The following TENM3 variants were observed in gnomAD, a reference collection of about 807,000 sequenced individuals.
TENM3 encodes the protein teneurin transmembrane protein 3.
A neutral mutation model predicts 255.1 loss-of-function variants in TENM3; 63 were observed. That is an observed-to-expected ratio of 0.25 (90% confidence interval 0.20 to 0.30). TENM3 has a LOEUF of 0.30. TENM3 is among the 10% of genes least tolerant of loss of function. TENM3 has a pLI of 1.00. For synonymous variants in TENM3, 1,306 were observed against 1,322.3 expected (o/e 0.99, Z 0.27); for missense variants, 2,929 against 3,461.1 (o/e 0.85, Z 3.86).
chr4:181,720,952 G>A, the TENM3 span, among the ~76,000 whole-genome samples: 2 of 152,204 alleles, frequency 1.3e-5, no homozygotes, highest in East Asian at 3.9e-4. Context: ...AGGTGGCCAG[G>A]CTCTGAGAGA....
At chr4:181,766,420 G>GAA in the TENM3 span, among the ~76,000 whole-genome samples, 2 of 151,894 alleles carry the variant, frequency 1.3e-5, no homozygotes, top group African/African-American at 2.4e-5. Context: ...AAGCAGCAGT[G>GAA]AAAAAAATTA....
chr4:182,541,919 G>A (rs1047046824), intron 3 of TENM3, among the ~76,000 whole-genome samples: 7 of 151,670 alleles, frequency 4.6e-5, no homozygotes, highest in Non-Finnish European at 8.8e-5. Context: ...AAAAATTAGC[G>A]AGGCGTAGTG....
chr4:182,749,276 T>G (rs1474261001), intron 19 of TENM3, among the ~76,000 whole-genome samples: 1 of 152,194 alleles, frequency 6.6e-6, no homozygotes, highest in Non-Finnish European at 1.5e-5. Flanking sequence ...TAGTTTAGGA[T>G]ATTATAAACT....
chr4:182,793,708 C>G lies in TENM3; in HGVS notation c.7036C>G (p.Leu2346Val). Reference sequence around the variant, plus strand: ...ATTTCATGGTGGCCTGTATGACCCACTCACCAAATTAATCCACTTTGGAGA... The same window carrying G: ...ATTTCATGGTGGCCTGTATGACCCAGTCACCAAATTAATCCACTTTGGAGA... ...IGFHGGLYDP[L>V]TKLIHFGERD... The change falls in exon 26 of 28, where the codon CTC becomes GTC. Residue 2346 changes from leucine (L) to valine (V), a missense_variant. Leu to Val is a conservative substitution (Grantham distance 32). Around this residue, in one of 6 missense-constraint regions of TENM3, gnomAD observed 256 missense variants for 389.3 expected, o/e 0.66. Transcript: ENST00000511685. This position sits in a 1 kb window ranked among gnomAD's most constrained non-coding sequence, Gnocchi z 5.7. The G allele has an allele frequency of 6.2e-7, 1 of 1,613,996 alleles. No homozygotes were observed. The highest frequency in any genetic ancestry group is 8.5e-7 in the Non-Finnish European group (1 of 1,179,858).
intron 2 of TENM3, among the ~76,000 whole-genome samples, chr4:182,329,813 C>T (rs1399464114): frequency 2.6e-5 from 4 of 151,926 alleles, no homozygotes; most frequent in Admixed American, 6.6e-5. Context: ...GTTTTGAAGA[C>T]CAGGTAGAAG....
At chr4:182,334,434 CAAATTTATCTTA>C (rs1349429354) in intron 2 of TENM3, among the ~76,000 whole-genome samples, 1 of 152,020 alleles carries the variant, frequency 6.6e-6, no homozygotes, top group Non-Finnish European at 1.5e-5. Context: ...GAGTGATCTT[CAAATTTATCTTA>C]AAATTCAAGT....
chr4:181,465,280 G>GA, the TENM3 span, among the ~76,000 whole-genome samples: 314 of 142,702 alleles, frequency 2.2e-3, no homozygotes, highest in African/African-American at 4.5e-3. Flanking sequence ...AAAGACAACT[G>GA]AAAAAAAAAA....
chr4:181,939,649 C>T, the TENM3 span, among the ~76,000 whole-genome samples: 1 of 152,210 alleles, frequency 6.6e-6, no homozygotes, highest in Non-Finnish European at 1.5e-5. Context: ...CCAATCATCT[C>T]AGCTGAACTA....
intron 6 of TENM3, 76 bp from the exon 7 acceptor site, chr4:182,672,928 CA>C (rs1561086625): frequency 1.8e-6 from 2 of 1,111,730 alleles, no homozygotes; most frequent in Non-Finnish European, 2.5e-6. Context: ...ATAACTTTTT[CA>C]AAAAGTTTAA....
At chr4:181,648,888 A>G in the TENM3 span, among the ~76,000 whole-genome samples, 1 of 152,244 alleles carries the variant, frequency 6.6e-6, no homozygotes, top group Non-Finnish European at 1.5e-5. Context: ...GAACATGGAC[A>G]AGCTGAGAGG....
At chr4:182,136,356 ATTG>A in the TENM3 span, among the ~76,000 whole-genome samples, 2 of 151,724 alleles carry the variant, frequency 1.3e-5, no homozygotes, top group Non-Finnish European at 1.5e-5. Context: ...GAAGCATGCT[ATTG>A]TTGTTCTTTT....
chr4:181,883,624 G>A, the TENM3 span, among the ~76,000 whole-genome samples: 24 of 152,060 alleles, frequency 1.6e-4, no homozygotes, highest in South Asian at 6.2e-4. Flanking sequence ...ACAGGCGCCC[G>A]CCACCACGCC....
intron 3 of TENM3, among the ~76,000 whole-genome samples, chr4:182,466,581 C>G (rs893688090): frequency 6.6e-6 from 1 of 152,122 alleles, no homozygotes; most frequent in Non-Finnish European, 1.5e-5. Flanking sequence ...ATCCTCCTGC[C>G]TTGGCCTCCC....
chr4:181,542,965 A>G, the TENM3 span, among the ~76,000 whole-genome samples: 1 of 152,114 alleles, frequency 6.6e-6, no homozygotes, highest in Non-Finnish European at 1.5e-5. Context: ...TTCAGACCAT[A>G]TATCTTGCTT....
At chr4:182,484,933 G>C (rs915708531) in intron 3 of TENM3, among the ~76,000 whole-genome samples, 1 of 152,020 alleles carries the variant, frequency 6.6e-6, no homozygotes, top group African/African-American at 2.4e-5. Context: ...CAGATACTCC[G>C]TGTTTTAAGC....
At chr4:182,023,327 A>AC in the TENM3 span, among the ~76,000 whole-genome samples, 1 of 152,228 alleles carries the variant, frequency 6.6e-6, no homozygotes, top group Non-Finnish European at 1.5e-5. Flanking sequence ...ATATATTTTT[A>AC]CATCTTTTAT....
intron 3 of TENM3, among the ~76,000 whole-genome samples, chr4:182,358,821 T>C (rs1336064762): frequency 1.3e-5 from 2 of 148,882 alleles, no homozygotes; most frequent in Admixed American, 1.3e-4. Flanking sequence ...ATGCTTCCAG[T>C]TTTTGCCCAT....
the TENM3 span, among the ~76,000 whole-genome samples, chr4:181,565,375 A>G: frequency 6.6e-6 from 1 of 152,242 alleles, no homozygotes; most frequent in Non-Finnish European, 1.5e-5. Flanking sequence ...ATACTTAGAG[A>G]ATAAATTTTA....
At chr4:182,562,234 AC>A (rs1743278135) in intron 3 of TENM3, among the ~76,000 whole-genome samples, 1 of 152,174 alleles carries the variant, frequency 6.6e-6, no homozygotes, top group Non-Finnish European at 1.5e-5. Flanking sequence ...CACTATTCCA[AC>A]CAGTGGTAGA....
Sources: gnomAD v4.1 joint callset for allele counts (sites outside exome capture counted in the v4.1 genomes callset) on GRCh38, gnomAD v4.1.1 for gene constraint, gnomAD v4.1.1 regional missense constraint, Gnocchi (gnomAD v3.1) non-coding constraint, MANE v1.5 for transcripts, NCBI Gene and HGNC (gene_info 2026-07-23, HGNC 2026-07-21) for gene names.